Variants in CEP126 observed in about 807,000 individuals in gnomAD.
CEP126 encodes centrosomal protein of 126 kDa.
CEP126 carries 74 observed loss-of-function variants against 107.8 expected under a neutral mutation model. The observed-to-expected ratio is 0.69, with a 90% CI of 0.57 to 0.83. The LOEUF is 0.83. CEP126 is among the 40% of genes least tolerant of loss of function. The pLI is 0.00. For missense variants in CEP126, 1,237 were observed against 1,281.9 expected (o/e 0.96, Z 0.53); for synonymous variants, 449 against 446.0 (o/e 1.01, Z -0.08).
chr11:101,979,379 CA>C (rs1425824407), intron 7 of CEP126, among the ~76,000 whole-genome samples: 1 of 152,040 alleles, frequency 6.6e-6, no homozygotes, highest in Non-Finnish European at 1.5e-5. Context: ...AACGGTTCCA[CA>C]ACAAATGAAT....
chr11:101,929,870 TGTG>T (rs1219769083), intron 2 of CEP126, among the ~76,000 whole-genome samples: 1 of 152,110 alleles, frequency 6.6e-6, no homozygotes, highest in African/African-American at 2.4e-5. Flanking sequence ...CACAATTTTC[TGTG>T]GTGTTTGGAT....
intron 9 of CEP126, among the ~76,000 whole-genome samples, chr11:101,990,927 C>T (rs1280787693): frequency 7.2e-5 from 11 of 152,098 alleles, no homozygotes; most frequent in Non-Finnish European, 1.6e-4. Context: ...CCCAAACCCA[C>T]TCAGGGAGGC....
At chr11:101,992,905 C>G (rs570092834) in intron 10 of CEP126, 63 bp downstream of exon 10, 99 of 1,394,008 alleles carry the variant, frequency 7.1e-5, no homozygotes, top group Non-Finnish European at 8.7e-5. Context: ...ATGTACACAT[C>G]AATACAGGTA....
chr11:101,960,279 G>A (rs1485129031), intron 5 of CEP126, among the ~76,000 whole-genome samples: 3 of 152,168 alleles, frequency 2.0e-5, no homozygotes. Flanking sequence ...ATCAGAAGTT[G>A]CCAAACTTCT....
At chr11:101,958,644 G>T (rs2137108981) in intron 5 of CEP126, among the ~76,000 whole-genome samples, 1 of 152,282 alleles carries the variant, frequency 6.6e-6, no homozygotes, top group East Asian at 1.9e-4. Context: ...GTTTCTTAAT[G>T]GAAATATGGC....
chr11:101,986,588 C>G (rs1941318713), intron 8 of CEP126, among the ~76,000 whole-genome samples: 1 of 152,016 alleles, frequency 6.6e-6, no homozygotes, highest in South Asian at 2.1e-4. Context: ...AAGTAATACT[C>G]TGGGAATTTT....
intron 6 of CEP126, among the ~76,000 whole-genome samples, chr11:101,964,847 A>C (rs1465580869): frequency 6.6e-6 from 1 of 152,218 alleles, no homozygotes; most frequent in Non-Finnish European, 1.5e-5. Flanking sequence ...CAAATTTTCC[A>C]ACAAAGTAAG....
chr11:101,940,376 AAAAC>A lies in CEP126; in HGVS notation c.249-3882_249-3879del, dbSNP rs540243451. On this transcript the variant is annotated intron_variant, in intron 2 of 10. Transcript: ENST00000263468. ...ATCCTTTTAAAATAACATAAAGAAG[AAAAC>A]AAACAATTTTTGTTCATAAACATTT... Among the ~76,000 whole-genome samples, 1,299 of 152,382 alleles carry A rather than the reference AAAAC, an allele frequency of 8.5e-3. 9 individuals carry two copies. The highest frequency in any genetic ancestry group is 0.014 in the Non-Finnish European group (925 of 68,042).
intron 1 of CEP126, among the ~76,000 whole-genome samples, chr11:101,918,802 T>G (rs892889727): frequency 6.6e-6 from 1 of 152,136 alleles, no homozygotes; most frequent in Non-Finnish European, 1.5e-5. Context: ...CATGAAGGTG[T>G]CATCAAGTCA....
chr11:101,933,166 C>T lies in CEP126; in HGVS notation c.248+10406C>T, dbSNP rs116108594. Among the ~76,000 whole-genome samples the T allele has an allele frequency of 2.0e-3, 299 of 152,258 alleles. 1 individual carries two copies. The highest frequency in any genetic ancestry group is 7.0e-3 in the African/African-American group (289 of 41,574). Reference sequence around the variant, plus strand: ...CATTCCACAATGCTACTGCATGCTGCTGTGTTCCAAGCCCTATGCTATGTG... The same window carrying T: ...CATTCCACAATGCTACTGCATGCTGTTGTGTTCCAAGCCCTATGCTATGTG... On this transcript the variant is annotated intron_variant, in intron 2 of 10. Transcript: ENST00000263468.
chr11:101,922,075 G>A (rs1052574395), intron 1 of CEP126, among the ~76,000 whole-genome samples: 3 of 151,372 alleles, frequency 2.0e-5, no homozygotes, highest in East Asian at 2.0e-4. Flanking sequence ...GTGAGCCACC[G>A]CGCCCAGCCT....
chr11:101,961,759 A>C lies in CEP126; in HGVS notation c.724A>C (p.Asn242His), dbSNP rs1940972859. The change falls in exon 6 of 11, where the codon AAT becomes CAT. Residue 242 changes from asparagine (N) to histidine (H), a missense_variant. This residue lies in a region of CEP126 where 1,134 missense variants were observed against 1,150.5 expected (regional missense o/e 0.99). Transcript: ENST00000263468. ...SNLQKFCDEV[N>H]QITNSETLSS... ...TTTCCAGAAATTTTGTGATGAAGTT[A>C]ATCAGATAACCAATTCTGAAACCCT... is the stretch of plus-strand genomic sequence containing the variant. 4 of 1,534,940 alleles carry C rather than the reference A, an allele frequency of 2.6e-6. No homozygotes were observed. Among genetic ancestry groups the C allele is most frequent in the African/African-American group, 2.8e-5 (2 of 71,748 alleles).
intron 6 of CEP126, among the ~76,000 whole-genome samples, chr11:101,971,657 T>C (rs1467705392): frequency 6.6e-6 from 1 of 152,154 alleles, no homozygotes; most frequent in Non-Finnish European, 1.5e-5. Context: ...CCCAAGAAGC[T>C]GCGGTTACAG....
At chr11:101,990,404 G>A (rs146121452) in intron 9 of CEP126, among the ~76,000 whole-genome samples, 14 of 152,286 alleles carry the variant, frequency 9.2e-5, no homozygotes, top group African/African-American at 2.6e-4. Context: ...CAAGGCACAG[G>A]TGAAGACTTA....
intron 4 of CEP126, chr11:101,955,813 T>C: frequency 2.2e-6 from 1 of 452,698 alleles, no homozygotes; most frequent in Middle Eastern, 3.3e-4. Context: ...CCTGTCCAGC[T>C]GTCTCCACAC....
At chr11:101,985,499 T>C (rs1591294626) in intron 8 of CEP126, among the ~76,000 whole-genome samples, 1 of 152,094 alleles carries the variant, frequency 6.6e-6, no homozygotes, top group Non-Finnish European at 1.5e-5. Context: ...GCCAGGCTGG[T>C]CTTGAACTCC....
chr11:101,936,452 A>G (rs769815858), intron 2 of CEP126, among the ~76,000 whole-genome samples: 23 of 152,150 alleles, frequency 1.5e-4, no homozygotes, highest in Non-Finnish European at 2.4e-4. Flanking sequence ...CATTAGTTCC[A>G]GGAGTTATTT....
chr11:101,945,917 A>G (rs1016450189), intron 3 of CEP126, among the ~76,000 whole-genome samples: 4 of 152,128 alleles, frequency 2.6e-5, no homozygotes, highest in African/African-American at 9.7e-5. Flanking sequence ...AAAAAGGGAA[A>G]ATGCATATTA....
chr11:101,967,417 A>G (rs569314253), intron 6 of CEP126, among the ~76,000 whole-genome samples: 2 of 152,302 alleles, frequency 1.3e-5, no homozygotes, highest in African/African-American at 4.8e-5. Context: ...CCCAGGGGGA[A>G]AAAATTATTT....
Sources: gnomAD v4.1 joint callset for allele counts (sites outside exome capture counted in the v4.1 genomes callset) on GRCh38, gnomAD v4.1.1 for gene constraint, gnomAD v4.1.1 regional missense constraint, MANE v1.5 for transcripts, NCBI Gene and HGNC (gene_info 2026-07-23, HGNC 2026-07-21) for gene names.